The following APBB2 variants were observed in gnomAD, a reference collection of about 807,000 sequenced individuals.
APBB2 encodes amyloid beta precursor protein binding family B member 2.
APBB2 carries 38 observed loss-of-function variants against 82.5 expected under a neutral mutation model. The ratio of observed to expected loss-of-function variants is 0.46; its 90% CI spans 0.36 to 0.60. The LOEUF is 0.60. Among genes scored for constraint, APBB2 ranks in the 20% least tolerant of loss-of-function variants. APBB2 has a pLI of 0.00. For missense variants in APBB2, 772 were observed against 972.3 expected (o/e 0.79, Z 2.74); for synonymous variants, 341 against 368.2 (o/e 0.93, Z 0.85).
At chr4:40,958,963 G>C (rs1792388755) in intron 6 of APBB2, among the ~76,000 whole-genome samples, 1 of 152,202 alleles carries the variant, frequency 6.6e-6, no homozygotes, top group Admixed American at 6.5e-5. Flanking sequence ...AAAATAGCTA[G>C]GCAGGCTTTA....
At chr4:41,085,707 A>C (rs1014893176) in intron 3 of APBB2, among the ~76,000 whole-genome samples, 5 of 152,328 alleles carry the variant, frequency 3.3e-5, no homozygotes, top group Middle Eastern at 3.4e-3. Flanking sequence ...GAGACATTCA[A>C]GTTCATTATT....
At chr4:41,112,582 A>C (rs578139621) in intron 2 of APBB2, among the ~76,000 whole-genome samples, 2 of 152,378 alleles carry the variant, frequency 1.3e-5, no homozygotes, top group South Asian at 4.1e-4. Context: ...TCCTTAAAGA[A>C]AAACTGTGAA....
chr4:40,851,736 A>ATTT (rs772502891), intron 12 of APBB2, among the ~76,000 whole-genome samples: 15 of 82,820 alleles, frequency 1.8e-4, no homozygotes, highest in African/African-American at 7.5e-4. Context: ...ATATATATAT[A>ATTT]TATTTTTTTT....
In APBB2 at chr4:40,826,793, G is replaced by C. The variant is rs546630585; in HGVS notation, c.1732+339C>G. 35 of 210,418 alleles carry C rather than the reference G, an allele frequency of 1.7e-4. No homozygotes were observed. The highest frequency in any genetic ancestry group is 7.8e-4 in the African/African-American group (33 of 42,480). The allele number at this position is 210,418 out of a possible 1,614,324, so 13.0% of individuals were successfully genotyped here. On this transcript the variant is annotated intron_variant, in intron 14 of 17. Coordinates refer to ENST00000508593, the MANE Select transcript of APBB2 (RefSeq NM_004307.2). This position sits in a 1 kb window ranked among gnomAD's most constrained non-coding sequence, Gnocchi z 4.5. ...ACCCACGTGTTTTTAAACCAGCCAGGGTCCTTATCCCAGGTTGTACATGAA... is the reference window on the plus strand; with the variant it reads ...ACCCACGTGTTTTTAAACCAGCCAGCGTCCTTATCCCAGGTTGTACATGAA...
chr4:41,060,405 T>C (rs1224735694), intron 4 of APBB2, among the ~76,000 whole-genome samples: 1 of 152,152 alleles, frequency 6.6e-6, no homozygotes, highest in Non-Finnish European at 1.5e-5. Context: ...ATTCGATATA[T>C]ATTATTAAGC....
intron 12 of APBB2, among the ~76,000 whole-genome samples, chr4:40,887,132 T>C (rs1449993721): frequency 2.0e-5 from 3 of 152,186 alleles, no homozygotes; most frequent in African/African-American, 4.8e-5. Context: ...TCTCTCCAAC[T>C]CAACCCTGGG....
At chr4:41,212,835 T>C (rs1327860498) in intron 1 of APBB2, among the ~76,000 whole-genome samples, 2 of 152,192 alleles carry the variant, frequency 1.3e-5, no homozygotes, top group African/African-American at 4.8e-5. Flanking sequence ...GGTTTCCCCA[T>C]TCTCGCCACA....
rs377052050 is a variant in APBB2 at position 40,826,029 on chromosome 4, A to T, written c.1733-59T>A. The stretch of plus-strand genomic sequence containing the variant: ...TGGTTCCAACACACATGTACACAAC[A>T]GCCGTGGCTCTGCATCATCTGAATG... On this transcript the variant is annotated intron_variant, in intron 14 of 17. Transcript: ENST00000508593. The surrounding 1 kb of genome is among the most constrained non-coding windows in gnomAD (Gnocchi z 4.5). 7 of 1,333,508 alleles carry T rather than the reference A, an allele frequency of 5.2e-6. No homozygotes were observed. Among genetic ancestry groups the T allele is most frequent in the Non-Finnish European group, 7.6e-6 (7 of 924,430 alleles). 82.6% of individuals were successfully genotyped at this position (1,333,508 alleles called of 1,614,324 possible).
rs553331993 is a variant in APBB2 at position 41,134,397 on chromosome 4, G to C, written c.-261+8590C>G. The stretch of plus-strand genomic sequence containing the variant: ...GATGGAGACCATCCTGGCTAACATG[G>C]TGAAACCCCATCTCTACTAAAAATA... On this transcript the variant is annotated intron_variant, in intron 2 of 17. Coordinates refer to ENST00000508593, the MANE Select transcript of APBB2 (RefSeq NM_004307.2). 5.9e-5 allele frequency among the ~76,000 whole-genome samples: 9 copies of C among 152,246 alleles called. No homozygotes were observed. In the South Asian group the frequency reaches 1.9e-3, roughly 32 times the overall value.
intron 12 of APBB2, among the ~76,000 whole-genome samples, chr4:40,858,370 G>T (rs1257608092): frequency 6.8e-6 from 1 of 146,330 alleles, no homozygotes; most frequent in African/African-American, 2.5e-5. Flanking sequence ...CAGGAGAATT[G>T]CTTGAACCTG....
chr4:40,997,297 C>T (rs541239631), intron 6 of APBB2, among the ~76,000 whole-genome samples: 3 of 152,290 alleles, frequency 2.0e-5, no homozygotes, highest in Admixed American at 1.3e-4. Flanking sequence ...GCTTTCTGTG[C>T]GTCAAGCAGC....
At position 40,906,773 on chromosome 4, in the gene APBB2, T is replaced by C. The variant is rs115965449; in HGVS notation, c.1255-13362A>G. Among the ~76,000 whole-genome samples, 494 of 152,302 alleles carry C rather than the reference T, an allele frequency of 3.2e-3. 3 individuals are homozygous for C. Among genetic ancestry groups the C allele is most frequent in the African/African-American group, 0.011 (437 of 41,562 alleles). On this transcript the variant is annotated intron_variant, in intron 10 of 17. Transcript: ENST00000508593. ...CTCAATCTTCTGACCCAAAGTGAGA[T>C]GTCTTTTCCCTTAGGCCACATGGTC...
intron 10 of APBB2, among the ~76,000 whole-genome samples, chr4:40,899,560 C>T (rs1321809740): frequency 6.6e-6 from 1 of 152,176 alleles, no homozygotes; most frequent in Non-Finnish European, 1.5e-5. Flanking sequence ...GGATGCTCAG[C>T]CTCCAGGCAT....
intron 5 of APBB2, among the ~76,000 whole-genome samples, chr4:41,028,696 A>T (rs1166914991): frequency 2.6e-5 from 4 of 152,180 alleles, no homozygotes; most frequent in Non-Finnish European, 5.9e-5. Flanking sequence ...TTTGCAACTA[A>T]AAGAGCCCTC....
At chr4:41,109,205 A>C (rs1748291122) in intron 2 of APBB2, among the ~76,000 whole-genome samples, 1 of 152,138 alleles carries the variant, frequency 6.6e-6, no homozygotes, top group African/African-American at 2.4e-5. Context: ...TCTAGGCTGC[A>C]ATGGGCTACA....
At chr4:41,013,084 A>G (rs1461894042) in intron 6 of APBB2, among the ~76,000 whole-genome samples, 1 of 152,228 alleles carries the variant, frequency 6.6e-6, no homozygotes, top group Non-Finnish European at 1.5e-5. Context: ...AAATGTCAAA[A>G]AGAGAAATGC....
chr4:40,991,175 C>CTTTTTT (rs58342460), intron 6 of APBB2, among the ~76,000 whole-genome samples: 3 of 90,494 alleles, frequency 3.3e-5, no homozygotes, highest in African/African-American at 8.5e-5. Flanking sequence ...GTGTGTTTTG[C>CTTTTTT]TTTTTTTTTT....
chr4:40,875,667 C>T lies in APBB2; in HGVS notation c.1529+14697G>A, dbSNP rs115483036. 5.5e-3 allele frequency among the ~76,000 whole-genome samples: 834 copies of T among 152,232 alleles called. 11 individuals are homozygous for T. The highest frequency in any genetic ancestry group is 0.019 in the African/African-American group (787 of 41,544). On this transcript the variant is annotated intron_variant, in intron 12 of 17. Coordinates refer to ENST00000508593, the MANE Select transcript of APBB2 (RefSeq NM_004307.2). ...CATTTCAAGTGCTCAAGGCCATCAC[C>T]GAAATGAACAGCCCAGCTCTAGGGA... is the stretch of plus-strand genomic sequence containing the variant.
chr4:40,943,260 C>T (rs1787517719), intron 7 of APBB2, among the ~76,000 whole-genome samples: 1 of 150,102 alleles, frequency 6.7e-6, no homozygotes, highest in Non-Finnish European at 1.5e-5. Flanking sequence ...AATGCTGGCA[C>T]CAAATGGTGC....
Sources: allele counts gnomAD v4.1 joint callset (sites outside exome capture counted in the v4.1 genomes callset), GRCh38; gene constraint gnomAD v4.1.1; non-coding constraint Gnocchi (gnomAD v3.1); transcripts MANE v1.5; gene names NCBI Gene and HGNC (gene_info 2026-07-23, HGNC 2026-07-21).